C2CD5: variants seen among roughly 807,000 people sequenced by gnomAD.
C2CD5 encodes the protein C2 domain-containing protein 5.
C2CD5 carries 109 observed loss-of-function variants against 130.3 expected under a neutral mutation model. The observed-to-expected ratio is 0.84, with a 90% CI of 0.72 to 0.98. The LOEUF (loss-of-function observed/expected upper bound fraction) is 0.98, where lower values mean the gene tolerates loss of function less well. C2CD5 is among the 50% of genes least tolerant of loss of function. The pLI, the probability that C2CD5 is intolerant of heterozygous loss-of-function variation, is 0.00. For missense variants in C2CD5, 996 were observed against 1,261.8 expected (o/e 0.79, Z 3.19); for synonymous variants, 454 against 429.2 (o/e 1.06, Z -0.71).
chr12:22,490,125 C>G lies in C2CD5; in HGVS notation c.1356G>C (p.Gln452His). 6.2e-7 allele frequency: 1 copy of G among 1,611,578 alleles called. No individual in the cohort carries two copies. Among genetic ancestry groups the G allele is most frequent in the Middle Eastern group, 1.7e-4 (1 of 6,056 alleles). The change falls in exon 12 of 27, where the codon CAG (glutamine) becomes CAC (histidine). Residue 452 changes from glutamine to histidine, a missense_variant and splice_region_variant. Physicochemically the swap from Gln to His is conservative, Grantham distance 24. Transcript: ENST00000446597. ...QDGTVEGCLE[Q>H]RLEENLPTRC... The stretch of plus-strand genomic sequence containing the variant: ...ATAAGCCAGGCTGCCATGACAACCT[C>G]TGTTCCAAACAGCCTTCCACGGTGC...
At chr12:22,544,286 G>A in intron 1 of C2CD5, 34 bp downstream of exon 1, 6 of 665,040 alleles carry the variant, frequency 9.0e-6, no homozygotes, top group South Asian at 2.2e-5. Context: ...GCGCGCGCGG[G>A]CGCCCGGCAG....
intron 2 of C2CD5, among the ~76,000 whole-genome samples, chr12:22,539,980 G>A (rs1374759865): frequency 6.2e-4 from 84 of 134,702 alleles, no homozygotes; most frequent in South Asian, 6.9e-4. Context: ...CAACAAGAGC[G>A]AAGCTCCGTC....
At chr12:22,485,596 T>G (rs574927364) in intron 12 of C2CD5, among the ~76,000 whole-genome samples, 1 of 152,246 alleles carries the variant, frequency 6.6e-6, no homozygotes, top group East Asian at 1.9e-4. Context: ...TATGATAGTT[T>G]TAACTTTTTT....
rs187445375 is a variant in C2CD5 at position 22,461,144 on chromosome 12, C to T, written c.2534-1602G>A. 4.3e-3 allele frequency among the ~76,000 whole-genome samples: 648 copies of T among 152,274 alleles called. 14 individuals carry two copies. The highest frequency in any genetic ancestry group is 2.5e-3 in the Non-Finnish European group (173 of 68,022). ...CCTGACATTCAGAGGCTTACCACATCTGTAGGGACACTCAGCACAGAAACA... is the reference window on the plus strand; with the variant it reads ...CCTGACATTCAGAGGCTTACCACATTTGTAGGGACACTCAGCACAGAAACA... On this transcript the variant is annotated intron_variant, in intron 22 of 26. Transcript: ENST00000446597.
intron 12 of C2CD5, among the ~76,000 whole-genome samples, chr12:22,487,977 T>C (rs1945773964): frequency 7.0e-6 from 1 of 143,298 alleles, no homozygotes; most frequent in Middle Eastern, 3.4e-3. Context: ...CTGCACGTTC[T>C]CACTCATAGG....
chr12:22,450,676 T>TAC (rs1254924242), intron 26 of C2CD5, among the ~76,000 whole-genome samples: 1 of 152,152 alleles, frequency 6.6e-6, no homozygotes, highest in Non-Finnish European at 1.5e-5. Flanking sequence ...ACAAAGGTAC[T>TAC]ACTTTGACCT....
rs931052167 is a variant in C2CD5, at chr12:22,525,656, A to G, written c.399T>C (p.Asp133=). The G allele has an allele frequency of 1.3e-6, 2 of 1,594,378 alleles. No individual in the cohort carries two copies. The highest frequency in any genetic ancestry group is 1.7e-5 in the Admixed American group (1 of 59,966). Residue 133 remains aspartate, a synonymous_variant, in exon 5 of 27, where the codon GAT becomes GAC. Coordinates refer to ENST00000446597, the MANE Select transcript of C2CD5 (RefSeq NM_001286176.2). ...ATGATGACTGCCTAAATCGATTTAAATCATTGAAGAGGTCTACTTTGACAA... is the reference window on the plus strand; with the variant it reads ...ATGATGACTGCCTAAATCGATTTAAGTCATTGAAGAGGTCTACTTTGACAA... ...NVVVKVDLFN[D]LNRFRQSSCG...
chr12:22,498,963 A>G (rs748104997), intron 10 of C2CD5, among the ~76,000 whole-genome samples: 1 of 152,224 alleles, frequency 6.6e-6, no homozygotes, highest in Non-Finnish European at 1.5e-5. Flanking sequence ...AGGAAAAAAT[A>G]GTAAATTATC....
chr12:22,451,898 A>G (rs1396920969), intron 26 of C2CD5, among the ~76,000 whole-genome samples: 3 of 152,086 alleles, frequency 2.0e-5, no homozygotes, highest in African/African-American at 7.2e-5. Context: ...GATAATAGTA[A>G]CAACTTTTAC....
intron 3 of C2CD5, among the ~76,000 whole-genome samples, chr12:22,532,186 C>T (rs1390350720): frequency 6.6e-6 from 1 of 151,952 alleles, no homozygotes; most frequent in East Asian, 1.9e-4. Flanking sequence ...CAAAATTAGC[C>T]AGGTGTGGTG....
At chr12:22,493,834 G>T (rs944870238) in intron 10 of C2CD5, among the ~76,000 whole-genome samples, 1 of 151,708 alleles carries the variant, frequency 6.6e-6, no homozygotes, top group Non-Finnish European at 1.5e-5. Flanking sequence ...AAAGCCATCT[G>T]TAAGCCATCC....
chr12:22,510,591 A>G (rs138319568), intron 9 of C2CD5, among the ~76,000 whole-genome samples: 1 of 152,308 alleles, frequency 6.6e-6, no homozygotes, highest in East Asian at 1.9e-4. Flanking sequence ...TCCATAACAG[A>G]TTTCTGCCAT....
Position 22,448,752 on chromosome 12 carries a change from T to G in C2CD5, c.*1008A>C, listed in dbSNP as rs1277438687. 6.6e-6 allele frequency: 1 copy of G among 152,600 alleles called. No individual in the cohort carries two copies. The highest frequency in any genetic ancestry group is 1.9e-4 in the East Asian group (1 of 5,200). The allele number at this position is 152,600 out of a possible 1,614,324, so 9.5% of individuals were successfully genotyped here. On this transcript the variant is annotated 3_prime_UTR_variant, in exon 27 of 27. Coordinates refer to ENST00000446597, the MANE Select transcript of C2CD5 (RefSeq NM_001286176.2). ...TATTGTGCAAAGGAGGAATGTAATA[T>G]TTAAGGTTCATTTACAACGGGCATT...
At chr12:22,536,274 C>T (rs1951810159) in intron 2 of C2CD5, among the ~76,000 whole-genome samples, 1 of 152,110 alleles carries the variant, frequency 6.6e-6, no homozygotes, top group Admixed American at 6.5e-5. Context: ...AAAGGAGAGG[C>T]TGTGAAAGAG....
At position 22,530,089 on chromosome 12, in the gene C2CD5, TATATATATATATATATATATATAC is replaced by T. The variant is rs1275034826; in HGVS notation, c.178-2221_178-2198del. Among the ~76,000 whole-genome samples, 3 of 106,494 alleles carry T rather than the reference TATATATATATATATATATATATAC, an allele frequency of 2.8e-5. No individual in the cohort carries two copies. In the South Asian group the frequency reaches 9.2e-4, roughly 32 times the overall value. The allele number at this position is 106,494 out of a possible 152,430, so 69.9% of individuals were successfully genotyped here. A position where few individuals can be genotyped will look rare whatever the true frequency, so the allele number is the denominator to read the frequency against. ...TGTATTTGAGTGCTATATATATATA[TATATATATATATATATATATATAC>T]ACACACACACACACACACACACACA... On this transcript the variant is annotated intron_variant, in intron 3 of 26. Coordinates refer to ENST00000446597, the MANE Select transcript of C2CD5 (RefSeq NM_001286176.2).
intron 26 of C2CD5, among the ~76,000 whole-genome samples, chr12:22,450,494 G>A (rs1295570936): frequency 6.6e-6 from 1 of 152,080 alleles, no homozygotes; most frequent in South Asian, 2.1e-4. Context: ...AGTGAAAAAT[G>A]ACCTAAAGCT....
intron 14 of C2CD5, among the ~76,000 whole-genome samples, chr12:22,479,805 T>C (rs1944443340): frequency 6.6e-6 from 1 of 152,152 alleles, no homozygotes; most frequent in African/African-American, 2.4e-5. Flanking sequence ...TATATCCTTA[T>C]GAGCACTTAT....
At chr12:22,499,706 C>T (rs1031509927) in intron 10 of C2CD5, among the ~76,000 whole-genome samples, 1 of 152,192 alleles carries the variant, frequency 6.6e-6, no homozygotes, top group African/African-American at 2.4e-5. Flanking sequence ...AATTCTTATG[C>T]ACTTCCAATC....
intron 2 of C2CD5, among the ~76,000 whole-genome samples, chr12:22,535,586 T>C (rs541148345): frequency 6.6e-6 from 1 of 151,996 alleles, no homozygotes; most frequent in East Asian, 1.9e-4. Flanking sequence ...AAGAACTAAC[T>C]TCCTCCGTTT....
Sources: gnomAD v4.1 joint callset for allele counts (sites outside exome capture counted in the v4.1 genomes callset) on GRCh38, gnomAD v4.1.1 for gene constraint, MANE v1.5 for transcripts, NCBI Gene and HGNC (gene_info 2026-07-23, HGNC 2026-07-21) for gene names.